Variants in PCGF5 observed in about 807,000 individuals in gnomAD.
PCGF5 encodes polycomb group ring finger 5.
A neutral mutation model predicts 44.3 loss-of-function variants in PCGF5; 9 were observed. That is an observed-to-expected ratio of 0.20 (90% CI 0.12 to 0.35). PCGF5 has a LOEUF of 0.35. PCGF5 is among the 10% of genes least tolerant of loss of function. PCGF5 has a pLI of 1.00. For synonymous variants in PCGF5, 95 were observed against 102.5 expected (o/e 0.93, Z 0.44); for missense variants, 146 against 305.3 (o/e 0.48, Z 3.89).
intron 9 of PCGF5, among the ~76,000 whole-genome samples, chr10:91,275,182 G>A (rs1589414265): frequency 6.6e-6 from 1 of 151,914 alleles, no homozygotes; most frequent in African/African-American, 2.4e-5. Context: ...ATACAAATAT[G>A]TAAGAAAAAG....
chr10:91,217,701 T>G (rs1297422653), upstream of PCGF5, among the ~76,000 whole-genome samples: 1 of 152,214 alleles, frequency 6.6e-6, no homozygotes, highest in East Asian at 1.9e-4. Flanking sequence ...CACTCCTAAG[T>G]GCCATCTAGA....
At chr10:91,169,809 A>T (rs1163778410) in intron 1 of PCGF5, among the ~76,000 whole-genome samples, 2 of 152,212 alleles carry the variant, frequency 1.3e-5, no homozygotes, top group Non-Finnish European at 2.9e-5. Flanking sequence ...AAAGACCTAA[A>T]ATAGCACAAT....
intron 6 of PCGF5, 110 bp downstream of exon 6, chr10:91,251,550 T>G (rs560041685): frequency 9.7e-7 from 1 of 1,031,816 alleles, no homozygotes; most frequent in Non-Finnish European, 1.5e-6. Flanking sequence ...AAGTTTTAAT[T>G]AACATAATTA....
chr10:91,159,250 A>AT (rs144034815), upstream of PCGF5, among the ~76,000 whole-genome samples: 3,235 of 151,636 alleles, frequency 0.021, 108 homozygotes, highest in East Asian at 0.088. Flanking sequence ...GGAAGTCATA[A>AT]TTTTTTTTTG....
At chr10:91,206,644 GCAGCAGT>G (rs1844352274) in intron 1 of PCGF5, among the ~76,000 whole-genome samples, 1 of 152,186 alleles carries the variant, frequency 6.6e-6, no homozygotes, top group Non-Finnish European at 1.5e-5. Context: ...ATGGTAGGAG[GCAGCAGT>G]CAGCTTAGAG....
intron 6 of PCGF5, among the ~76,000 whole-genome samples, chr10:91,257,069 G>A (rs1564652406): frequency 6.6e-6 from 1 of 152,074 alleles, no homozygotes; most frequent in Non-Finnish European, 1.5e-5. Context: ...TGTCTGATAA[G>A]CCTTTAATGT....
chr10:91,262,163 G>C (rs1589405492), intron 7 of PCGF5, among the ~76,000 whole-genome samples: 1 of 152,164 alleles, frequency 6.6e-6, no homozygotes, highest in Non-Finnish European at 1.5e-5. Flanking sequence ...GGTGGCTTAT[G>C]CCTGTAATCC....
intron 9 of PCGF5, among the ~76,000 whole-genome samples, chr10:91,274,172 A>G (rs1846252076): frequency 6.6e-6 from 1 of 152,118 alleles, no homozygotes; most frequent in Non-Finnish European, 1.5e-5. Flanking sequence ...TTCACCCCAC[A>G]ATTAAATTAT....
intron 1 of PCGF5, among the ~76,000 whole-genome samples, chr10:91,187,721 A>G (rs893775875): frequency 4.2e-4 from 64 of 152,242 alleles, no homozygotes; most frequent in African/African-American, 1.4e-3. Flanking sequence ...CTATATATTT[A>G]CTTCTTACTA....
intron 5 of PCGF5, among the ~76,000 whole-genome samples, chr10:91,250,798 A>G (rs1358115748): frequency 6.6e-6 from 1 of 151,832 alleles, no homozygotes; most frequent in Non-Finnish European, 1.5e-5. Flanking sequence ...CTAATTCATT[A>G]TACTCGTTTT....
chr10:91,215,945 T>C (rs969161525), upstream of PCGF5, among the ~76,000 whole-genome samples: 1 of 152,248 alleles, frequency 6.6e-6, no homozygotes, highest in Admixed American at 6.5e-5. Context: ...AACACATCCT[T>C]TGTAAGGATC....
chr10:91,187,051 A>C lies in PCGF5; in HGVS notation c.-184+23970A>C, dbSNP rs76731129. ...TCTCAGGTGGGGTCTGAGATTCTGCATTTCTGAGTTTCCCAGGAGATGCAA... is the reference window on the plus strand; with the variant it reads ...TCTCAGGTGGGGTCTGAGATTCTGCCTTTCTGAGTTTCCCAGGAGATGCAA... On this transcript the variant is annotated intron_variant, in intron 1 of 9. Coordinates refer to the PCGF5 transcript ENST00000614189. 2.0e-3 allele frequency among the ~76,000 whole-genome samples: 300 copies of C among 152,290 alleles called. 1 individual carries two copies. Among genetic ancestry groups the C allele is most frequent in the African/African-American group, 6.9e-3 (287 of 41,560 alleles).
At chr10:91,267,360 G>A (rs1390593314) in intron 8 of PCGF5, among the ~76,000 whole-genome samples, 3 of 151,854 alleles carry the variant, frequency 2.0e-5, no homozygotes, top group Admixed American at 6.6e-5. Context: ...TACCACCTCC[G>A]GCATATTATG....
rs559611508 is a variant in PCGF5, at chr10:91,209,762, CG to C, written c.-183-12926del. ...TGGGCAACAGAGCGAGACTCCGTCT[CG>C]AAGAAAAAAAAAGAAAAAAAAAAAA... is the stretch of plus-strand genomic sequence containing the variant. On this transcript the variant is annotated intron_variant, in intron 1 of 9. Coordinates refer to the PCGF5 transcript ENST00000614189. Among the ~76,000 whole-genome samples, 5 of 100,206 alleles carry C rather than the reference CG, an allele frequency of 5.0e-5. 2 individuals are homozygous for C. Among genetic ancestry groups the C allele is most frequent in the Non-Finnish European group, 1.1e-4 (5 of 46,516 alleles). 65.7% of individuals were successfully genotyped at this position (100,206 alleles called of 152,430 possible).
At chr10:91,255,733 TCAACAA>T (rs1001839256) in intron 6 of PCGF5, among the ~76,000 whole-genome samples, 4 of 151,974 alleles carry the variant, frequency 2.6e-5, no homozygotes, top group Non-Finnish European at 5.9e-5. Flanking sequence ...ATGTCTAGTT[TCAACAA>T]CAACAACAAC....
chr10:91,227,897 C>T (rs1589380704), intron 2 of PCGF5: 24 of 983,432 alleles, frequency 2.4e-5, no homozygotes, highest in Non-Finnish European at 2.5e-5. Context: ...GCCCTACCAC[C>T]TGCAGATTTG....
intron 2 of PCGF5, among the ~76,000 whole-genome samples, chr10:91,227,104 A>G (rs750875279): frequency 1.3e-5 from 2 of 152,198 alleles, no homozygotes; most frequent in Non-Finnish European, 2.9e-5. Flanking sequence ...ATTTAAACTA[A>G]GTAATTACAT....
chr10:91,157,074 G>A, the PCGF5 span, among the ~76,000 whole-genome samples: 9 of 152,140 alleles, frequency 5.9e-5, no homozygotes, highest in East Asian at 1.4e-3. Context: ...AAATAATAAT[G>A]GTATCCATGT....
At chr10:91,175,509 A>G (rs1310516581) in intron 1 of PCGF5, among the ~76,000 whole-genome samples, 1 of 151,298 alleles carries the variant, frequency 6.6e-6, no homozygotes, top group South Asian at 2.1e-4. Flanking sequence ...CCATCATTCA[A>G]CAACCCTATA....
Sources: allele counts gnomAD v4.1 joint callset (sites outside exome capture counted in the v4.1 genomes callset), GRCh38; gene constraint gnomAD v4.1.1; transcripts MANE v1.5; gene names NCBI Gene and HGNC (gene_info 2026-07-23, HGNC 2026-07-21).